The following PTPRE variants were observed in gnomAD, a reference collection of about 807,000 sequenced individuals.
PTPRE encodes the protein protein tyrosine phosphatase receptor type E, also known as receptor-type tyrosine-protein phosphatase epsilon.
PTPRE carries 51 observed loss-of-function variants against 102.0 expected under a neutral mutation model. The ratio of observed to expected loss-of-function variants is 0.50; its 90% CI spans 0.40 to 0.63. The LOEUF is 0.63. Among genes scored for constraint, PTPRE ranks in the 30% least tolerant of loss-of-function variants. The probability of loss-of-function intolerance (pLI) is 0.00; values close to 1 mark genes in which losing one functional copy is unlikely to be tolerated. For missense variants in PTPRE, 752 were observed against 915.1 expected (o/e 0.82, Z 2.30); for synonymous variants, 345 against 348.2 (o/e 0.99, Z 0.10).
At chr10:128,005,137 G>A (rs74343104) in intron 2 of PTPRE, among the ~76,000 whole-genome samples, 11,945 of 152,236 alleles carry the variant, frequency 0.078, 652 homozygotes, top group South Asian at 0.13. Context: ...TGGCTACTAC[G>A]TCCTTACGAC....
At chr10:128,009,641 G>T (rs561473818) in intron 2 of PTPRE, among the ~76,000 whole-genome samples, 9 of 152,194 alleles carry the variant, frequency 5.9e-5, no homozygotes, top group Non-Finnish European at 1.2e-4. Context: ...AGCTCGGGTC[G>T]TCCTGAACTT....
rs59253362 is a variant in PTPRE, at chr10:128,010,545, CCTTTTCTTTTCTTTTCTTTT to C, written c.-8+28279_-8+28298del. ...CCAGCCACAACCGTCAAACCCTGTT[CCTTTTCTTTTCTTTTCTTTT>C]CTTTTCTTTTCTTTTCTTTTCTTTT... On this transcript the variant is annotated intron_variant, in intron 2 of 20. Coordinates refer to ENST00000254667, the MANE Select transcript of PTPRE (RefSeq NM_006504.6). Among the ~76,000 whole-genome samples the C allele has an allele frequency of 5.5e-4, 71 of 128,330 alleles. No homozygotes were observed. In the East Asian group the frequency reaches 9.9e-3, roughly 18 times the overall value. The allele number at this position is 128,330 out of a possible 152,430, so 84.2% of individuals were successfully genotyped here.
intron 1 of PTPRE, among the ~76,000 whole-genome samples, chr10:127,980,640 C>T (rs1851536673): frequency 6.6e-6 from 1 of 152,068 alleles, no homozygotes; most frequent in Non-Finnish European, 1.5e-5. Flanking sequence ...TGTAGATTTG[C>T]CCAAATAGAC....
intron 7 of PTPRE, among the ~76,000 whole-genome samples, chr10:128,057,559 T>C (rs1221007351): frequency 3.9e-5 from 6 of 152,212 alleles, no homozygotes; most frequent in Non-Finnish European, 7.4e-5. Flanking sequence ...CTGTCCAAAC[T>C]GTGCACTTTT....
At chr10:128,018,096 G>A (rs543810813) in intron 2 of PTPRE, among the ~76,000 whole-genome samples, 9 of 152,280 alleles carry the variant, frequency 5.9e-5, no homozygotes, top group African/African-American at 2.2e-4. Flanking sequence ...CCCGGGCTGA[G>A]AGTGGAAATT....
In PTPRE at chr10:128,083,031, T is replaced by A; in HGVS notation, c.*125T>A. 1 of 936,064 alleles carries A rather than the reference T, an allele frequency of 1.1e-6. No individual in the cohort carries two copies. Among genetic ancestry groups the A allele is most frequent in the Non-Finnish European group, 1.5e-6 (1 of 678,850 alleles). The allele number at this position is 936,064 out of a possible 1,614,324, so 58.0% of individuals were successfully genotyped here. A position where few individuals can be genotyped will look rare whatever the true frequency, so the allele number is the denominator to read the frequency against. The stretch of plus-strand genomic sequence containing the variant: ...TCTTTGTATATATTTTGTTATGCCT[T>A]AAAGGCCACCTGCTATACAGTTGTT... On this transcript the variant is annotated 3_prime_UTR_variant, in exon 21 of 21. Coordinates refer to ENST00000254667, the MANE Select transcript of PTPRE (RefSeq NM_006504.6).
At position 128,073,439 on chromosome 10, in the gene PTPRE, G is replaced by A. The variant is rs779409677; in HGVS notation, c.1567G>A (p.Val523Met). The A allele has an allele frequency of 2.5e-6, 4 of 1,614,162 alleles. No homozygotes were observed. Among genetic ancestry groups the A allele is most frequent in the Non-Finnish European group, 1.7e-6 (2 of 1,180,016 alleles). ...CTGGGAATGGAAATCCCACACTATC[G>A]TGATGCTGACGGAGGTGCAGGAGAG... The part of the protein sequence containing the change: ...MIWEWKSHTI[V>M]MLTEVQEREQ... Residue 523 changes from valine (V) to methionine (M), a missense_variant, in exon 17 of 21, where the codon GTG becomes ATG. Val to Met is a conservative substitution (Grantham distance 21). Coordinates refer to ENST00000254667, the MANE Select transcript of PTPRE (RefSeq NM_006504.6).
intron 2 of PTPRE, among the ~76,000 whole-genome samples, chr10:128,010,012 G>A (rs571112332): frequency 6.6e-6 from 1 of 151,926 alleles, no homozygotes; most frequent in Non-Finnish European, 1.5e-5. Flanking sequence ...GGGGCACGTG[G>A]TCACCCTATT....
chr10:128,083,232 C>T lies in PTPRE; in HGVS notation c.*326C>T, dbSNP rs114302407. On this transcript the variant is annotated 3_prime_UTR_variant, in exon 21 of 21. Coordinates refer to ENST00000254667, the MANE Select transcript of PTPRE (RefSeq NM_006504.6). ...TTGTAATCTTAATATGCGAAGTGTG[C>T]CTCTGCAAGATACTAACACAAAGCT... The T allele has an allele frequency of 5.8e-3, 1,023 of 176,616 alleles. 14 individuals carry two copies. The highest frequency in any genetic ancestry group is 0.023 in the African/African-American group (961 of 41,976). The allele number at this position is 176,616 out of a possible 1,614,324, so 10.9% of individuals were successfully genotyped here.
intron 17 of PTPRE, among the ~76,000 whole-genome samples, chr10:128,074,692 CA>C (rs1851077446): frequency 6.6e-6 from 1 of 151,636 alleles, no homozygotes; most frequent in South Asian, 2.1e-4. Context: ...GTTTCTTGAA[CA>C]TTCAGGTAGT....
intron 2 of PTPRE, among the ~76,000 whole-genome samples, chr10:127,991,895 G>A (rs1040250064): frequency 1.3e-5 from 2 of 152,100 alleles, no homozygotes; most frequent in Non-Finnish European, 2.9e-5. Flanking sequence ...TTACCAAACT[G>A]TTCCCTCTCC....
chr10:128,066,563 T>C (rs1850111649), intron 11 of PTPRE, among the ~76,000 whole-genome samples: 1 of 152,246 alleles, frequency 6.6e-6, no homozygotes, highest in South Asian at 2.1e-4. Context: ...TTCCGAATTC[T>C]GTCTGAAACC....
intron 6 of PTPRE, among the ~76,000 whole-genome samples, chr10:128,055,311 G>T (rs148615087): frequency 6.6e-6 from 1 of 152,192 alleles, no homozygotes; most frequent in African/African-American, 2.4e-5. Flanking sequence ...CAGAGATGGC[G>T]GCTGCAGGCG....
intron 2 of PTPRE, among the ~76,000 whole-genome samples, chr10:128,039,930 G>A (rs576146873): frequency 1.3e-5 from 2 of 152,320 alleles, no homozygotes; most frequent in African/African-American, 4.8e-5. Flanking sequence ...CACATTTAGC[G>A]ATGCTCTGAT....
intron 1 of PTPRE, among the ~76,000 whole-genome samples, chr10:127,974,701 T>C (rs891076186): frequency 5.3e-5 from 8 of 152,236 alleles, no homozygotes; most frequent in Non-Finnish European, 1.2e-4. Context: ...GTTTAGCATA[T>C]TGATGTACTC....
intron 6 of PTPRE, among the ~76,000 whole-genome samples, chr10:128,051,945 A>C (rs1848597953): frequency 6.6e-6 from 1 of 151,954 alleles, no homozygotes; most frequent in Non-Finnish European, 1.5e-5. Flanking sequence ...TTCACTGAAG[A>C]CTCAACCTCC....
chr10:128,048,192 G>A (rs1185911315), intron 5 of PTPRE, among the ~76,000 whole-genome samples: 4 of 152,150 alleles, frequency 2.6e-5, no homozygotes, highest in African/African-American at 9.7e-5. Flanking sequence ...ATTCAGCTGG[G>A]TTTGTACTGC....
chr10:128,057,182 A>C (rs900315729), intron 7 of PTPRE, among the ~76,000 whole-genome samples: 1 of 150,778 alleles, frequency 6.6e-6, no homozygotes, highest in African/African-American at 2.4e-5. Context: ...GCGCCATTGC[A>C]CTCCAGCCTG....
chr10:128,005,697 G>A (rs971943842), intron 2 of PTPRE, among the ~76,000 whole-genome samples: 11 of 152,230 alleles, frequency 7.2e-5, no homozygotes, highest in African/African-American at 2.7e-4. Context: ...GTGATGGGAT[G>A]TGGGGCAGAG....
Sources: gnomAD v4.1 joint callset for allele counts (sites outside exome capture counted in the v4.1 genomes callset) on GRCh38, gnomAD v4.1.1 for gene constraint, MANE v1.5 for transcripts, NCBI Gene and HGNC (gene_info 2026-07-23, HGNC 2026-07-21) for gene names.